DNAH17: variants seen among roughly 807,000 people sequenced by gnomAD.
The protein encoded by DNAH17 is axonemal beta dynein heavy chain 17.
In DNAH17, 376 loss-of-function variants were observed where a neutral mutation model predicts 485.6. The ratio of observed to expected loss-of-function variants is 0.77; its 90% CI spans 0.71 to 0.84. The LOEUF is 0.84. Among genes scored for constraint, DNAH17 ranks in the 40% least tolerant of loss-of-function variants. DNAH17 has a pLI of 0.00. For missense variants in DNAH17, 6,370 were observed against 5,839.3 expected, an observed-to-expected ratio of 1.09 and a Z score of -2.96; for synonymous variants, 3,031 against 2,405.9, an observed-to-expected ratio of 1.26 and a Z score of -7.60.
At chr17:78,561,602 G>A (rs976593083) in intron 12 of DNAH17, 113 bp downstream of exon 12, 23 of 1,300,390 alleles carry the variant, frequency 1.8e-5, no homozygotes, top group Non-Finnish European at 2.1e-5. Flanking sequence ...TGCTCTGGGA[G>A]GTAACAGTCT....
At chr17:78,529,781 C>T (rs954840757) in intron 21 of DNAH17, 87 bp from the exon 22 acceptor site, 76 of 1,385,320 alleles carry the variant, frequency 5.5e-5, no homozygotes, top group African/African-American at 7.2e-5. Flanking sequence ...GGGGGACGAC[C>T]GCGGTGAGGT....
At chr17:78,551,239 T>TG (rs1167046424) in intron 16 of DNAH17, among the ~76,000 whole-genome samples, 2 of 152,148 alleles carry the variant, frequency 1.3e-5, no homozygotes, top group African/African-American at 4.8e-5. Context: ...TCGTTCCCAG[T>TG]GGGGGTGAGT....
chr17:78,559,994 G>A (rs914184936), intron 13 of DNAH17, among the ~76,000 whole-genome samples: 12 of 152,030 alleles, frequency 7.9e-5, no homozygotes, highest in Admixed American at 5.2e-4. Context: ...CCCTTCTACC[G>A]GCTCTATTGA....
At position 78,525,012 on chromosome 17, in the gene DNAH17, A is replaced by C; in HGVS notation, c.3861T>G (p.Val1287=). Residue 1287 remains valine, a synonymous_variant, in exon 25 of 81, where the codon GTT becomes GTG. Coordinates refer to ENST00000389840, the MANE Select transcript of DNAH17 (RefSeq NM_173628.4). ...RLLKELWDMV[V]VVNTSIEDWK... ...ACGCGGCGTGCCCTGCACTCACCACAACAACCATGTCCCAGAGCTCCTTCA... is the reference window on the plus strand; with the variant it reads ...ACGCGGCGTGCCCTGCACTCACCACCACAACCATGTCCCAGAGCTCCTTCA... The C allele has an allele frequency of 1.9e-6, 3 of 1,612,464 alleles. No individual in the cohort carries two copies. Among genetic ancestry groups the C allele is most frequent in the Non-Finnish European group, 2.5e-6 (3 of 1,178,940 alleles).
At chr17:78,438,696 G>C (rs1176209818) in intron 73 of DNAH17, among the ~76,000 whole-genome samples, 1 of 151,414 alleles carries the variant, frequency 6.6e-6, no homozygotes, top group Non-Finnish European at 1.5e-5. Context: ...ACAGGGTTTC[G>C]CCATGTTGGT....
At chr17:78,492,608 C>G in intron 42 of DNAH17, 25 bp downstream of exon 42, 1 of 1,612,214 alleles carries the variant, frequency 6.2e-7, no homozygotes. Flanking sequence ...GCCCCTGCAG[C>G]CTGTCCCGGG....
rs181741504 is a variant in DNAH17, at chr17:78,464,996, G to C, written c.8940+1659C>G. 1.5e-3 allele frequency among the ~76,000 whole-genome samples: 236 copies of C among 152,374 alleles called. 1 individual carries two copies. Among genetic ancestry groups the C allele is most frequent in the African/African-American group, 5.4e-3 (225 of 41,584 alleles). On this transcript the variant is annotated intron_variant, in intron 56 of 80. Coordinates refer to ENST00000389840, the MANE Select transcript of DNAH17 (RefSeq NM_173628.4). ...CGGTCTCCCTCTCATGCTGAGCCGA[G>C]GCTGGACTGTGCTGCTGCCATCTCG...
intron 16 of DNAH17, 144 bp downstream of exon 16, chr17:78,551,391 C>A: frequency 1.5e-6 from 1 of 673,876 alleles, no homozygotes; most frequent in Non-Finnish European, 2.6e-6. Context: ...TGATATCATC[C>A]TACCGGTGGA....
In DNAH17 at chr17:78,494,722, G is replaced by A; in HGVS notation, c.6141C>T (p.Leu2047=). The A allele has an allele frequency of 2.5e-6, 4 of 1,613,874 alleles. No individual in the cohort carries two copies. Among genetic ancestry groups the A allele is most frequent in the African/African-American group, 2.7e-5 (2 of 75,068 alleles). The part of the protein sequence containing the change: ...GDPSRAEDQV[L]MRALRDFNIP... ...TGTTGAAGTCTCTCAGCGCCCGCAT[G>A]AGCACCTGGTCCTCTGCCCGGCTGG... is the stretch of plus-strand genomic sequence containing the variant. The change falls in exon 40 of 81, where the codon CTC becomes CTT. Residue 2047 remains leucine (L), a synonymous_variant. Coordinates refer to ENST00000389840, the MANE Select transcript of DNAH17 (RefSeq NM_173628.4).
At chr17:78,487,290 C>T (rs542575166) in intron 44 of DNAH17, among the ~76,000 whole-genome samples, 2 of 152,262 alleles carry the variant, frequency 1.3e-5, no homozygotes, top group African/African-American at 4.8e-5. Context: ...TTTCCATGAC[C>T]CTCATTTCCA....
In DNAH17 at chr17:78,438,991, C is replaced by T. The variant is rs2086963449; in HGVS notation, c.11805+99G>A. The T allele has an allele frequency of 2.7e-6, 4 of 1,474,670 alleles. No individual in the cohort carries two copies. In the South Asian group the frequency reaches 4.2e-5, roughly 15 times the overall value. The allele number at this position is 1,474,670 out of a possible 1,614,324, so 91.3% of individuals were successfully genotyped here. A position where few individuals can be genotyped will look rare whatever the true frequency, so the allele number is the denominator to read the frequency against. Reference sequence around the variant, plus strand: ...GGATTTCCACCCACATTTCTGAATGCAAACTCCACATCCTGCTTCCTTCCG... The same window carrying T: ...GGATTTCCACCCACATTTCTGAATGTAAACTCCACATCCTGCTTCCTTCCG... On this transcript the variant is annotated intron_variant, in intron 73 of 80. Coordinates refer to ENST00000389840, the MANE Select transcript of DNAH17 (RefSeq NM_173628.4).
Position 78,432,908 on chromosome 17 carries a change from C to CT in DNAH17, c.12225+1120_12225+1121insA, listed in dbSNP as rs1555650496. ...CAGAGCAGGCTTCAAACGTGCCCCC[C>CT]CCCCCCGACCCCGGTGCCAGCACCG... On this transcript the variant is annotated intron_variant, in intron 75 of 80. Coordinates refer to ENST00000389840, the MANE Select transcript of DNAH17 (RefSeq NM_173628.4). 2.5e-5 allele frequency among the ~76,000 whole-genome samples: 3 copies of CT among 121,660 alleles called. 1 individual carries two copies. The highest frequency in any genetic ancestry group is 7.6e-5 in the Admixed American group (1 of 13,138). 79.8% of individuals were successfully genotyped at this position (121,660 alleles called of 152,430 possible).
rs185675182 is a variant in DNAH17, at chr17:78,563,874, C to T, written c.1570-1894G>A. 2.6e-4 allele frequency among the ~76,000 whole-genome samples: 39 copies of T among 152,220 alleles called. No homozygotes were observed. In the East Asian group the frequency reaches 5.6e-3, roughly 22 times the overall value. On this transcript the variant is annotated intron_variant, in intron 11 of 80. Coordinates refer to ENST00000389840, the MANE Select transcript of DNAH17 (RefSeq NM_173628.4). ...GTCAAAGAGAAACGTGAACAGATGG[C>T]GATGGAAATGGGTTACAAGAGTTAT...
intron 52 of DNAH17, 66 bp downstream of exon 52, chr17:78,476,506 C>G: frequency 6.6e-7 from 1 of 1,522,024 alleles, no homozygotes; most frequent in Non-Finnish European, 8.8e-7. Context: ...TTCTCATTGG[C>G]CGCCGACACT....
intron 25 of DNAH17, among the ~76,000 whole-genome samples, chr17:78,523,217 G>A (rs1038563191): frequency 5.3e-5 from 8 of 151,792 alleles, no homozygotes; most frequent in African/African-American, 1.9e-4. Context: ...GTGTGATGGC[G>A]AGATCTTGGC....
At chr17:78,537,580 T>C in intron 18 of DNAH17, 99 bp from the exon 19 acceptor site, 2 of 1,320,618 alleles carry the variant, frequency 1.5e-6, no homozygotes, top group South Asian at 1.4e-5. Context: ...AATGTGTCAC[T>C]GCCTTCCACT....
intron 4 of DNAH17, 45 bp from the exon 5 acceptor site, chr17:78,571,423 C>G (rs117047821): frequency 6.4e-7 from 1 of 1,555,564 alleles, no homozygotes; most frequent in East Asian, 2.2e-5. Context: ...CCTGGAAGAC[C>G]CTAAGGCGAG....
At chr17:78,427,230 G>A in intron 77 of DNAH17, 122 bp from the exon 78 acceptor site, 1 of 984,070 alleles carries the variant, frequency 1.0e-6, no homozygotes, top group Non-Finnish European at 1.5e-6. Context: ...GAAGAGGCAA[G>A]TAGAGTTGCC....
intron 71 of DNAH17, 62 bp from the exon 72 acceptor site, chr17:78,441,261 G>C: frequency 2.5e-6 from 4 of 1,588,484 alleles, no homozygotes; most frequent in Non-Finnish European, 3.4e-6. Flanking sequence ...CGGGGCGCTC[G>C]GGGTGGGCTG....
Sources: gnomAD v4.1 joint callset for allele counts (sites outside exome capture counted in the v4.1 genomes callset) on GRCh38, gnomAD v4.1.1 for gene constraint, MANE v1.5 for transcripts, NCBI Gene and HGNC (gene_info 2026-07-23, HGNC 2026-07-21) for gene names.